The following THSD7B variants were observed in gnomAD, a reference collection of about 807,000 sequenced individuals.
THSD7B encodes thrombospondin type 1 domain containing 7B.
THSD7B carries 138 observed loss-of-function variants against 213.6 expected under a neutral mutation model. That is an observed-to-expected ratio of 0.65 (90% confidence interval 0.56 to 0.74). The LOEUF (loss-of-function observed/expected upper bound fraction) is 0.74. Ranked by LOEUF, THSD7B falls within the 30% of genes least tolerant of loss-of-function variation. THSD7B has a pLI of 0.00. For missense variants in THSD7B, 1,931 were observed against 1,991.5 expected (o/e 0.97, Z 0.58); for synonymous variants, 742 against 687.0 (o/e 1.08, Z -1.25).
chr2:137,143,943 A>G (rs1679641800), intron 5 of THSD7B, among the ~76,000 whole-genome samples: 1 of 151,842 alleles, frequency 6.6e-6, no homozygotes, highest in Admixed American at 6.6e-5. Context: ...TCCAGCTTTT[A>G]ATTAACTTTA....
chr2:137,140,713 G>A (rs999221684), intron 5 of THSD7B, among the ~76,000 whole-genome samples: 1 of 152,056 alleles, frequency 6.6e-6, no homozygotes, highest in Admixed American at 6.6e-5. Flanking sequence ...TCCATTTTAT[G>A]ATAAGAACTG....
chr2:137,380,925 T>TATGGCTTGTGCCC (rs1371070796), intron 12 of THSD7B, among the ~76,000 whole-genome samples: 1 of 152,232 alleles, frequency 6.6e-6, no homozygotes, highest in Admixed American at 6.5e-5. Context: ...ACACTGTACA[T>TATGGCTTGTGCCC]ATGGCTTGTG....
intron 2 of THSD7B, among the ~76,000 whole-genome samples, chr2:136,966,639 G>A (rs1573738973): frequency 6.6e-6 from 1 of 152,040 alleles, no homozygotes; most frequent in African/African-American, 2.4e-5. Flanking sequence ...TGGTCTCTGA[G>A]TTGTGCTCCT....
At chr2:137,515,181 G>T (rs1001732672) in intron 15 of THSD7B, among the ~76,000 whole-genome samples, 2 of 152,174 alleles carry the variant, frequency 1.3e-5, no homozygotes, top group African/African-American at 4.8e-5. Context: ...ATGGGGATGT[G>T]TGGGAGGACC....
intron 1 of THSD7B, among the ~76,000 whole-genome samples, chr2:136,767,224 C>G (rs1438066184): frequency 6.6e-6 from 1 of 152,166 alleles, no homozygotes; most frequent in East Asian, 1.9e-4. Flanking sequence ...CTAACCAAAT[C>G]AAGAAGTCTT....
intron 4 of THSD7B, among the ~76,000 whole-genome samples, chr2:137,108,139 A>G (rs1188221684): frequency 6.6e-6 from 1 of 152,250 alleles, no homozygotes; most frequent in African/African-American, 2.4e-5. Context: ...AAACATGACC[A>G]TTAACTAATG....
At chr2:137,087,475 G>A (rs546984602) in intron 3 of THSD7B, among the ~76,000 whole-genome samples, 90 of 152,290 alleles carry the variant, frequency 5.9e-4, no homozygotes, top group African/African-American at 2.0e-3. Context: ...CAAAATTAAT[G>A]TACATATATC....
intron 2 of THSD7B, among the ~76,000 whole-genome samples, chr2:137,037,991 A>G (rs919040181): frequency 1.4e-5 from 2 of 146,552 alleles, no homozygotes; most frequent in Admixed American, 6.8e-5. Context: ...ATAAAAAAAA[A>G]TGTTTTGTTG....
chr2:137,359,691 CT>C, intron 12 of THSD7B, among the ~76,000 whole-genome samples: 1 of 152,146 alleles, frequency 6.6e-6, no homozygotes, highest in East Asian at 1.9e-4. Context: ...ATTTGGTCAC[CT>C]CCTGGGTACC....
chr2:136,974,383 T>C (rs1051990873), intron 2 of THSD7B, among the ~76,000 whole-genome samples: 6 of 152,152 alleles, frequency 3.9e-5, no homozygotes, highest in East Asian at 3.9e-4. Context: ...CAGATTGTGT[T>C]GTTCTCCTCC....
At chr2:137,259,094 A>G (rs886625818) in intron 10 of THSD7B, among the ~76,000 whole-genome samples, 2 of 152,144 alleles carry the variant, frequency 1.3e-5, no homozygotes, top group African/African-American at 4.8e-5. Context: ...ATTGATGGGC[A>G]TTTGGGTTGG....
At chr2:137,161,332 G>A (rs1347286544) in intron 6 of THSD7B, among the ~76,000 whole-genome samples, 1 of 152,090 alleles carries the variant, frequency 6.6e-6, no homozygotes, top group African/African-American at 2.4e-5. Context: ...CAAGAGAAAT[G>A]AGATCCAAGG....
At chr2:136,779,503 T>A (rs967735007) in intron 1 of THSD7B, among the ~76,000 whole-genome samples, 1 of 152,206 alleles carries the variant, frequency 6.6e-6, no homozygotes, top group Non-Finnish European at 1.5e-5. Flanking sequence ...ATTGTCTCCA[T>A]TATGCTGAGC....
intron 1 of THSD7B, among the ~76,000 whole-genome samples, chr2:136,862,155 G>T (rs1683266216): frequency 6.6e-6 from 1 of 152,210 alleles, no homozygotes; most frequent in African/African-American, 2.4e-5. Context: ...TTCCCATTAG[G>T]GGTGGGACTG....
intron 2 of THSD7B, among the ~76,000 whole-genome samples, chr2:136,986,194 G>A (rs1038570287): frequency 7.9e-5 from 12 of 152,078 alleles, no homozygotes; most frequent in Admixed American, 7.9e-4. Context: ...TTAAGATTAG[G>A]GGGGGACTAT....
intron 15 of THSD7B, among the ~76,000 whole-genome samples, chr2:137,520,451 A>G (rs1680164634): frequency 6.6e-6 from 1 of 152,240 alleles, no homozygotes; most frequent in Admixed American, 6.5e-5. Flanking sequence ...TTAACAGAAG[A>G]GAAAATTAGG....
chr2:137,026,435 C>G (rs914716079), intron 2 of THSD7B, among the ~76,000 whole-genome samples: 3 of 152,164 alleles, frequency 2.0e-5, no homozygotes, highest in Non-Finnish European at 2.9e-5. Flanking sequence ...CTGCACATGG[C>G]TTCTTGCTCG....
chr2:137,451,268 A>C lies in THSD7B; in HGVS notation c.3138+245A>C, dbSNP rs573407310. Among the ~76,000 whole-genome samples the C allele has an allele frequency of 3.7e-3, 564 of 152,074 alleles. 2 individuals are homozygous for C. In the Middle Eastern group the frequency reaches 0.037, roughly 10 times the overall value. ...AATAATATTTACAAAATCAAATCAA[A>C]TTGATTTTAAAATAATCTTAAGCTA... On this transcript the variant is annotated intron_variant, in intron 15 of 27. Transcript: ENST00000409968.
At chr2:137,289,927 T>C (rs1268602679) in intron 12 of THSD7B, among the ~76,000 whole-genome samples, 2 of 151,882 alleles carry the variant, frequency 1.3e-5, no homozygotes, top group African/African-American at 4.8e-5. Context: ...GAAAAGAAAA[T>C]CCTTTTTTCT....
Sources: gnomAD v4.1 joint callset for allele counts (sites outside exome capture counted in the v4.1 genomes callset) on GRCh38, gnomAD v4.1.1 for gene constraint, MANE v1.5 for transcripts, NCBI Gene and HGNC (gene_info 2026-07-23, HGNC 2026-07-21) for gene names.